The following PHKB variants were observed in gnomAD, a reference collection of about 807,000 sequenced individuals.
PHKB encodes phosphorylase kinase regulatory subunit beta.
A neutral mutation model predicts 152.1 loss-of-function variants in PHKB; 122 were observed. That is an observed-to-expected ratio of 0.80 (90% CI 0.69 to 0.93). PHKB has a LOEUF of 0.93. Among genes scored for constraint, PHKB ranks in the 40% least tolerant of loss-of-function variants. The pLI is 0.00. For synonymous variants in PHKB, 436 were observed against 464.9 expected (o/e 0.94, Z 0.80); for missense variants, 1,304 against 1,328.4 (o/e 0.98, Z 0.29).
At chr16:47,558,797 A>T (rs1306859037) in intron 7 of PHKB, among the ~76,000 whole-genome samples, 1 of 152,156 alleles carries the variant, frequency 6.6e-6, no homozygotes, top group African/African-American at 2.4e-5. Context: ...GGTCTTGCCC[A>T]CCTTGGCCTC....
intron 7 of PHKB, among the ~76,000 whole-genome samples, chr16:47,556,433 G>A (rs538884711): frequency 1.1e-4 from 16 of 152,270 alleles, no homozygotes; most frequent in African/African-American, 1.4e-4. Flanking sequence ...ATTATTTTGA[G>A]ATATGTCTCA....
intron 20 of PHKB, among the ~76,000 whole-genome samples, chr16:47,658,751 G>C (rs1037256961): frequency 6.6e-6 from 1 of 151,820 alleles, no homozygotes; most frequent in South Asian, 2.1e-4. Flanking sequence ...ACACAACAAC[G>C]AGATTGCCTA....
In PHKB at chr16:47,566,865, T is replaced by G. The variant is rs1444954210; in HGVS notation, c.711-13430T>G. On this transcript the variant is annotated intron_variant, in intron 7 of 30. Coordinates refer to ENST00000323584, the MANE Select transcript of PHKB (RefSeq NM_000293.3). The stretch of plus-strand genomic sequence containing the variant: ...GTCTGTTAGGGAGAGAGTCTTCCCC[T>G]TCTTATTCTTCTTTTTTGCTTAGTT... 2.6e-5 allele frequency: 18 copies of G among 701,232 alleles called. No individual in the cohort carries two copies. The East Asian group carries it at 4.8e-4, about 19-fold the overall frequency. 43.4% of individuals were successfully genotyped at this position (701,232 alleles called of 1,614,324 possible).
chr16:47,500,021 A>G, intron 3 of PHKB, 127 bp downstream of exon 3: 6 of 1,052,028 alleles, frequency 5.7e-6, no homozygotes, highest in South Asian at 1.3e-5. Context: ...GACTGCTCAC[A>G]TCCCTTTTTA....
intron 27 of PHKB, among the ~76,000 whole-genome samples, chr16:47,692,092 G>A (rs1260961093): frequency 3.3e-5 from 5 of 152,150 alleles, no homozygotes; most frequent in Non-Finnish European, 7.4e-5. Flanking sequence ...AGCAATGCAA[G>A]CCCGTGCCTA....
chr16:47,600,124 G>A (rs1333863842), intron 13 of PHKB, among the ~76,000 whole-genome samples: 2 of 152,084 alleles, frequency 1.3e-5, no homozygotes, highest in Non-Finnish European at 2.9e-5. Context: ...TCTCAGTGAA[G>A]TCTAATAATA....
At chr16:47,509,904 C>G (rs1199822915) in intron 4 of PHKB, among the ~76,000 whole-genome samples, 1 of 152,226 alleles carries the variant, frequency 6.6e-6, no homozygotes, top group Non-Finnish European at 1.5e-5. Context: ...TCCCACAAGA[C>G]TACCCCCGGC....
At chr16:47,486,487 CTGT>C (rs1970051655) in intron 1 of PHKB, among the ~76,000 whole-genome samples, 1 of 152,136 alleles carries the variant, frequency 6.6e-6, no homozygotes, top group South Asian at 2.1e-4. Flanking sequence ...AACATATAGA[CTGT>C]TGTTCTATGG....
intron 26 of PHKB, among the ~76,000 whole-genome samples, chr16:47,674,348 T>C (rs1009692724): frequency 6.6e-6 from 1 of 152,182 alleles, no homozygotes; most frequent in African/African-American, 2.4e-5. Flanking sequence ...ACAGTAGATA[T>C]ATTGTGTTGG....
intron 7 of PHKB, among the ~76,000 whole-genome samples, chr16:47,567,626 G>A (rs889297134): frequency 7.2e-5 from 11 of 152,230 alleles, no homozygotes; most frequent in Non-Finnish European, 1.3e-4. Flanking sequence ...GTTCTTAGGC[G>A]GAAAGGCTTT....
At chr16:47,508,070 A>G (rs1483323909) in intron 4 of PHKB, among the ~76,000 whole-genome samples, 1 of 152,072 alleles carries the variant, frequency 6.6e-6, no homozygotes, top group Non-Finnish European at 1.5e-5. Context: ...TCCCTTCTCC[A>G]CTTCTATTGA....
intron 14 of PHKB, 125 bp from the exon 15 acceptor site, chr16:47,640,910 C>A: frequency 1.2e-6 from 1 of 866,272 alleles, no homozygotes; most frequent in Non-Finnish European, 2.0e-6. Context: ...CCGCTGAGAG[C>A]CAGCTGGTGT....
chr16:47,678,777 A>G (rs1344111232), intron 26 of PHKB, among the ~76,000 whole-genome samples: 1 of 152,112 alleles, frequency 6.6e-6, no homozygotes, highest in Non-Finnish European at 1.5e-5. Context: ...TAGTTTAATT[A>G]GATCCCATTT....
chr16:47,503,361 C>T (rs1970356129), intron 4 of PHKB, among the ~76,000 whole-genome samples: 1 of 152,102 alleles, frequency 6.6e-6, no homozygotes, highest in Non-Finnish European at 1.5e-5. Flanking sequence ...TGATAAAGAC[C>T]CAGTTTCTCA....
intron 23 of PHKB, among the ~76,000 whole-genome samples, chr16:47,662,705 A>G (rs544471171): frequency 2.2e-4 from 34 of 152,318 alleles, no homozygotes; most frequent in African/African-American, 7.9e-4. Context: ...GCAAATTTCA[A>G]ACAGAATCTT....
At chr16:47,485,100 A>G (rs1970027574) in intron 1 of PHKB, among the ~76,000 whole-genome samples, 1 of 152,138 alleles carries the variant, frequency 6.6e-6, no homozygotes, top group Non-Finnish European at 1.5e-5. Context: ...ACTTTTCCAC[A>G]CTGTATTTAG....
At position 47,659,856 on chromosome 16, in the gene PHKB, T is replaced by TTTTA. The variant is rs535425775; in HGVS notation, c.1972-630_1972-627dup. ...TGTTTTTCCTAATTTGGATATTTTATTTTATTTATTTATTTATTTATTTTT... is the reference window on the plus strand; with the variant it reads ...TGTTTTTCCTAATTTGGATATTTTATTTTATTTATTTATTTATTTATTTATTTTT... On this transcript the variant is annotated intron_variant, in intron 20 of 30. Coordinates refer to ENST00000323584, the MANE Select transcript of PHKB (RefSeq NM_000293.3). Among the ~76,000 whole-genome samples the TTTTA allele has an allele frequency of 4.3e-3, 662 of 152,252 alleles. 5 individuals carry two copies. Among genetic ancestry groups the TTTTA allele is most frequent in the African/African-American group, 0.015 (610 of 41,548 alleles).
chr16:47,630,292 G>A lies in PHKB; in HGVS notation c.1459-10743G>A, dbSNP rs528637461. ...AGGTCAGGAGTTCAAGACCTGCCTG[G>A]CCAACATGGTGAAACCTTGTCTCTA... On this transcript the variant is annotated intron_variant, in intron 14 of 30. Transcript: ENST00000323584. 6.6e-5 allele frequency among the ~76,000 whole-genome samples: 10 copies of A among 152,190 alleles called. No individual in the cohort carries two copies. The East Asian group carries it at 1.9e-3, about 29-fold the overall frequency.
chr16:47,525,366 C>T (rs919635227), intron 6 of PHKB, among the ~76,000 whole-genome samples: 4 of 152,062 alleles, frequency 2.6e-5, no homozygotes, highest in Non-Finnish European at 5.9e-5. Flanking sequence ...AAGATAACTA[C>T]TTTCTATCAG....
Sources: allele counts gnomAD v4.1 joint callset (sites outside exome capture counted in the v4.1 genomes callset), GRCh38; gene constraint gnomAD v4.1.1; transcripts MANE v1.5; gene names NCBI Gene and HGNC (gene_info 2026-07-23, HGNC 2026-07-21).